CCDC149: variants seen among roughly 807,000 people sequenced by gnomAD.
CCDC149 encodes coiled-coil domain-containing protein 149.
CCDC149 carries 45 observed loss-of-function variants against 59.9 expected under a neutral mutation model. That is an observed-to-expected ratio of 0.75 (90% CI 0.59 to 0.96). The LOEUF (loss-of-function observed/expected upper bound fraction) is 0.96. Ranked by LOEUF, CCDC149 falls within the 40% of genes least tolerant of loss-of-function variation. The probability of loss-of-function intolerance (pLI) is 0.00; values close to 1 mark genes in which losing one functional copy is unlikely to be tolerated. For synonymous variants in CCDC149, 245 were observed against 260.6 expected (o/e 0.94, Z 0.58); for missense variants, 584 against 664.7 (o/e 0.88, Z 1.33).
upstream of CCDC149, chr4:24,913,057 G>A (rs576764455): frequency 1.9e-4 from 32 of 166,030 alleles, no homozygotes; most frequent in South Asian, 5.7e-3. Context: ...GAGGGAAAGG[G>A]AGGAGGGGCG....
chr4:24,856,362 C>T (rs1170446070), intron 3 of CCDC149, among the ~76,000 whole-genome samples: 2 of 152,184 alleles, frequency 1.3e-5, no homozygotes, highest in South Asian at 2.1e-4. Context: ...ACATTAACTA[C>T]ATTATATTAC....
intron 12 of CCDC149, among the ~76,000 whole-genome samples, chr4:24,816,164 A>T (rs800451): frequency 0.56 from 84,118 of 151,556 alleles, 23,815 homozygotes; most frequent in South Asian, 0.62. Context: ...CACAGCTCAC[A>T]GCAGCCACAA....
At chr4:24,952,595 CAAAAAAAA>C (rs869310845) in intron 1 of CCDC149, among the ~76,000 whole-genome samples, 13 of 41,412 alleles carry the variant, frequency 3.1e-4, no homozygotes, top group African/African-American at 1.4e-3. Flanking sequence ...AACTCCATCT[CAAAAAAAA>C]AAAAAAAAAA....
chr4:24,836,174 C>G (rs1199486341), intron 7 of CCDC149, among the ~76,000 whole-genome samples: 1 of 152,168 alleles, frequency 6.6e-6, no homozygotes, highest in East Asian at 1.9e-4. Context: ...AGAGGCTATA[C>G]CAGGCGCTAA....
intron 8 of CCDC149, among the ~76,000 whole-genome samples, chr4:24,833,036 T>C (rs1029358421): frequency 2.0e-5 from 3 of 152,174 alleles, no homozygotes; most frequent in Admixed American, 6.5e-5. Flanking sequence ...GTCACTCAGG[T>C]GCTCCTGCGT....
intron 2 of CCDC149, 97 bp downstream of exon 2, chr4:24,876,439 G>C (rs1350245876): frequency 1.7e-5 from 23 of 1,356,258 alleles, no homozygotes; most frequent in Non-Finnish European, 2.3e-5. Context: ...TGAACTGTTT[G>C]CATTTAACCA....
chr4:24,813,498 A>ATCTATATCTATATCTATATC (rs1560197566), intron 12 of CCDC149, among the ~76,000 whole-genome samples: 1 of 14,490 alleles, frequency 6.9e-5, no homozygotes, highest in African/African-American at 1.6e-4. Context: ...GAATATATAT[A>ATCTATATCTATATCTATATC]TATATATATA....
intron 1 of CCDC149, among the ~76,000 whole-genome samples, chr4:24,922,494 G>C (rs1722322909): frequency 6.6e-6 from 1 of 152,130 alleles, no homozygotes; most frequent in African/African-American, 2.4e-5. Flanking sequence ...CTAGTTGAAG[G>C]CTGCAAGATG....
chr4:24,977,880 C>A (rs138447005), intron 1 of CCDC149, among the ~76,000 whole-genome samples: 46 of 152,300 alleles, frequency 3.0e-4, no homozygotes, highest in African/African-American at 1.1e-3. Flanking sequence ...TGCCTGTAAT[C>A]CCAGCAGTTT....
At chr4:24,960,353 A>G (rs1163079890) in intron 1 of CCDC149, among the ~76,000 whole-genome samples, 1 of 152,186 alleles carries the variant, frequency 6.6e-6, no homozygotes, top group Non-Finnish European at 1.5e-5. Context: ...TAGAAAATAT[A>G]ATTCTATTGA....
intron 3 of CCDC149, among the ~76,000 whole-genome samples, chr4:24,853,469 CA>C (rs537277607): frequency 5.4e-5 from 8 of 148,072 alleles, no homozygotes; most frequent in African/African-American, 1.5e-4. Context: ...TTGCCTTAAA[CA>C]AAAAAAAATT....
At chr4:24,947,394 A>G (rs1424485194) in intron 1 of CCDC149, among the ~76,000 whole-genome samples, 3 of 152,172 alleles carry the variant, frequency 2.0e-5, no homozygotes, top group Non-Finnish European at 4.4e-5. Context: ...CCCTTCTGCC[A>G]TGACTGTAGG....
chr4:24,820,366 G>A lies in CCDC149; in HGVS notation c.1076-391C>T, dbSNP rs114136555. Among the ~76,000 whole-genome samples the A allele has an allele frequency of 1.2e-3, 178 of 152,176 alleles. 1 individual carries two copies. The highest frequency in any genetic ancestry group is 4.1e-3 in the African/African-American group (169 of 41,510). The stretch of plus-strand genomic sequence containing the variant: ...GTGCTCAAAAGGGTACCAACACATC[G>A]ATGGGCTGATAACTGAAAGAGACAT... On this transcript the variant is annotated intron_variant, in intron 11 of 12. Transcript: ENST00000635206.
chr4:24,953,000 A>C (rs940594121), intron 1 of CCDC149, among the ~76,000 whole-genome samples: 5 of 152,234 alleles, frequency 3.3e-5, no homozygotes, highest in African/African-American at 1.2e-4. Context: ...GGTGATTGTG[A>C]TGCCAGTGGA....
At chr4:24,841,029 T>C (rs977619088) in intron 4 of CCDC149, among the ~76,000 whole-genome samples, 2 of 152,172 alleles carry the variant, frequency 1.3e-5, no homozygotes, top group Non-Finnish European at 2.9e-5. Flanking sequence ...TGAAAGCTGA[T>C]ATGCAAAAAC....
intron 1 of CCDC149, among the ~76,000 whole-genome samples, chr4:24,890,230 G>A (rs945830646): frequency 3.9e-5 from 6 of 152,140 alleles, no homozygotes; most frequent in African/African-American, 1.2e-4. Context: ...GCATTTTGAA[G>A]CCTACTCAGT....
chr4:24,872,042 C>T (rs1719076077), intron 3 of CCDC149, among the ~76,000 whole-genome samples: 2 of 152,060 alleles, frequency 1.3e-5, no homozygotes, highest in African/African-American at 4.8e-5. Context: ...TATAAGAAAC[C>T]TCTGAAAAGG....
At chr4:24,966,649 G>A (rs190223035) in intron 1 of CCDC149, among the ~76,000 whole-genome samples, 7 of 152,334 alleles carry the variant, frequency 4.6e-5, no homozygotes, top group African/African-American at 1.7e-4. Flanking sequence ...AGAGAAAATC[G>A]GTAAGCAGTT....
chr4:24,952,501 A>G (rs1170351093), intron 1 of CCDC149, among the ~76,000 whole-genome samples: 1 of 148,374 alleles, frequency 6.7e-6, no homozygotes, highest in African/African-American at 2.5e-5. Flanking sequence ...CTGAGACAGG[A>G]GAATTGCTTG....
Sources: allele counts gnomAD v4.1 joint callset (sites outside exome capture counted in the v4.1 genomes callset), GRCh38; gene constraint gnomAD v4.1.1; transcripts MANE v1.5; gene names NCBI Gene and HGNC (gene_info 2026-07-23, HGNC 2026-07-21).